Variants in LZTS2 observed in about 807,000 individuals in gnomAD.
LZTS2 encodes leucine zipper putative tumor suppressor 2.
LZTS2 carries 32 observed loss-of-function variants against 60.6 expected under a neutral mutation model. The ratio of observed to expected loss-of-function variants is 0.53; its 90% CI spans 0.40 to 0.71. LZTS2 has a LOEUF of 0.71. Ranked by LOEUF, LZTS2 falls within the 30% of genes least tolerant of loss-of-function variation. The probability of loss-of-function intolerance (pLI) is 0.00; values close to 1 mark genes in which losing one functional copy is unlikely to be tolerated. For synonymous variants in LZTS2, 360 were observed against 393.1 expected, an observed-to-expected ratio of 0.92 and a Z score of 1.00; for missense variants, 792 against 901.9, an observed-to-expected ratio of 0.88 and a Z score of 1.56.
exon 1 of LZTS2, chr10:101,002,642 G>C (rs1360702281): frequency 6.2e-7 from 1 of 1,605,622 alleles, no homozygotes; most frequent in Admixed American, 1.7e-5. Context: ...CTTATCTCAG[G>C]CCGGCCCTGT....
At chr10:100,999,999 A>T (rs11594686) in exon 1 of LZTS2, 2 of 152,918 alleles carry the variant, frequency 1.3e-5, no homozygotes, top group East Asian at 3.9e-4. Flanking sequence ...CCCCCAACTT[A>T]TGCGCGGTGG....
At chr10:101,002,523 C>G in exon 1 of LZTS2, 2 of 1,509,212 alleles carry the variant, frequency 1.3e-6, no homozygotes, top group Non-Finnish European at 1.8e-6. Flanking sequence ...CTGGCCAGGC[C>G]TGAGCCTCTG....
chr10:101,001,661 GT>G (rs1852043041), exon 1 of LZTS2: 2 of 152,258 alleles, frequency 1.3e-5, no homozygotes, highest in African/African-American at 4.8e-5. Flanking sequence ...CCTGGGCTCT[GT>G]GGAAGTGAGG....
chr10:100,997,724 G>GC (rs1205240362), upstream of LZTS2, among the ~76,000 whole-genome samples: 1 of 152,238 alleles, frequency 6.6e-6, no homozygotes, highest in Non-Finnish European at 1.5e-5. Context: ...AGTGGCCTGT[G>GC]CCCCCAACCC....
chr10:101,006,627 G>C, exon 4 of LZTS2: 1 of 1,595,802 alleles, frequency 6.3e-7, no homozygotes, highest in Non-Finnish European at 8.5e-7. Context: ...GTCAGTGAGG[G>C]CCGTGCGCGG....
chr10:100,997,297 G>T (rs1018402302), upstream of LZTS2: 1 of 152,216 alleles, frequency 6.6e-6, no homozygotes, highest in Admixed American at 6.5e-5. Flanking sequence ...GCTCCTGAAC[G>T]AACTTTCCGC....
intron 3 of LZTS2, 93 bp from the exon 5 acceptor site, chr10:101,006,392 C>G (rs1852197668): frequency 6.8e-7 from 1 of 1,464,646 alleles, no homozygotes; most frequent in African/African-American, 1.4e-5. Context: ...TAAAGATGGA[C>G]TCTTCTCTCC....
chr10:101,004,198 A>G, intron 2 of LZTS2, 32 bp downstream of exon 3: 1 of 1,566,720 alleles, frequency 6.4e-7, no homozygotes. Flanking sequence ...GGGAAGGGGC[A>G]TGGCAGGACA....
At chr10:101,002,839 C>T (rs765841983) in exon 1 of LZTS2, 1 of 1,613,888 alleles carries the variant, frequency 6.2e-7, no homozygotes, top group Admixed American at 1.7e-5. Context: ...AGAGTCACCC[C>T]CCAGCCCAAG....
chr10:101,002,752 C>A (rs1156654825), exon 1 of LZTS2: 1 of 1,613,260 alleles, frequency 6.2e-7, no homozygotes, highest in South Asian at 1.1e-5. Context: ...GGCACAGGAG[C>A]CGCTGTGCCC....
chr10:101,000,388 G>T (rs971738158), exon 1 of LZTS2: 2 of 152,252 alleles, frequency 1.3e-5, no homozygotes, highest in African/African-American at 4.8e-5. Context: ...CTCCAAGAGC[G>T]GGAGCCGGCC....
At chr10:100,997,917 C>G (rs1851948773), upstream of LZTS2, among the ~76,000 whole-genome samples, 1 of 152,186 alleles carries the variant, frequency 6.6e-6, no homozygotes. Flanking sequence ...TTAACTCGGG[C>G]TCCTGGACGT....
At chr10:101,001,973 CCTTT>C (rs1202702496) in exon 1 of LZTS2, 9 of 152,300 alleles carry the variant, frequency 5.9e-5, no homozygotes, top group Admixed American at 4.6e-4. Flanking sequence ...AGTTTAGCCG[CCTTT>C]CTGTCTGAGA....
At chr10:100,998,868 G>T (rs11190787), upstream of LZTS2, 43,996 of 152,262 alleles carry the variant, frequency 0.29, 7,541 homozygotes, top group East Asian at 0.55. Flanking sequence ...TGTGTGTGAG[G>T]TGGACTGGAA....
chr10:101,006,426 G>A, intron 3 of LZTS2, 59 bp from the exon 5 acceptor site: 2 of 1,536,574 alleles, frequency 1.3e-6, no homozygotes, highest in Non-Finnish European at 1.8e-6. Flanking sequence ...TGATGTGCAG[G>A]GCCTGTCCCC....
chr10:101,003,301 G>T, intron 1 of LZTS2: 1 of 548,180 alleles, frequency 1.8e-6, no homozygotes, highest in Non-Finnish European at 3.1e-6. Flanking sequence ...TCTGTAATAT[G>T]GGGATAGTGA....
intron 1 of LZTS2, 65 bp downstream of exon 2, chr10:101,003,011 T>G (rs760584661): frequency 8.2e-5 from 125 of 1,519,306 alleles, no homozygotes; most frequent in Non-Finnish European, 1.1e-4. Flanking sequence ...AAACTGGAAT[T>G]TAGAAGCTTA....
At chr10:101,005,318 T>G (rs1381837122) in intron 2 of LZTS2, 140 bp from the exon 4 acceptor site, 8 of 931,752 alleles carry the variant, frequency 8.6e-6, no homozygotes, top group Middle Eastern at 3.4e-4. Context: ...ATAAAAGCAG[T>G]TAGTATTGTT....
At chr10:101,007,074 G>T in exon 4 of LZTS2, 1 of 1,608,184 alleles carries the variant, frequency 6.2e-7, no homozygotes, top group Non-Finnish European at 8.5e-7. Context: ...CAGCAGCTCA[G>T]CCTGGAGCTG....
Sources: gnomAD v4.1 joint callset for allele counts (sites outside exome capture counted in the v4.1 genomes callset) on GRCh38, gnomAD v4.1.1 for gene constraint, MANE v1.5 for transcripts, NCBI Gene and HGNC (gene_info 2026-07-23, HGNC 2026-07-21) for gene names.